The following AKIP1 variants were observed in gnomAD, a reference collection of about 807,000 sequenced individuals.
AKIP1 encodes A-kinase interacting protein 1, also known as A-kinase-interacting protein 1.
Under a neutral mutation model 22.3 loss-of-function variants are expected in AKIP1, and 18 were observed. That is an observed-to-expected ratio of 0.81 (90% CI 0.56 to 1.19). The LOEUF is 1.19. AKIP1 is among the 50% of genes most tolerant of loss of function. The pLI is 0.00. For missense variants in AKIP1, 287 were observed against 264.6 expected, an observed-to-expected ratio of 1.08 and a Z score of -0.59; for synonymous variants, 120 against 102.7, an observed-to-expected ratio of 1.17 and a Z score of -1.02.
intron 4 of AKIP1, 110 bp downstream of exon 4, chr11:8,915,040 G>A (rs2064458318): frequency 2.7e-6 from 2 of 733,864 alleles, no homozygotes; most frequent in Middle Eastern, 3.8e-4. Flanking sequence ...GTGTGACTTG[G>A]CATTACAGTG....
In AKIP1 at chr11:8,911,618, C is replaced by A; in HGVS notation, c.169C>A (p.Pro57Thr). 6.2e-7 allele frequency: 1 copy of A among 1,600,272 alleles called. No individual in the cohort carries two copies. The highest frequency in any genetic ancestry group is 8.5e-7 in the Non-Finnish European group (1 of 1,174,950). The change falls in exon 2 of 6, where the codon CCC (proline) becomes ACC (threonine). Residue 57 changes from proline to threonine, a missense_variant. Transcript: ENST00000309377. ...GCMGVLAREA[P>T]HLEKQPAAGP... ...CATGGGGGTCCTTGCCCGGGAGGCG[C>A]CCCACCTAGAGAAACAGCCGGCAGC...
At chr11:8,918,411 G>T (rs2064520382) in intron 5 of AKIP1, among the ~76,000 whole-genome samples, 2 of 152,214 alleles carry the variant, frequency 1.3e-5, no homozygotes, top group Admixed American at 6.5e-5. Context: ...AGGAGGAAGA[G>T]GGGAAATTTC....
At chr11:8,918,779 C>A (rs975575132) in intron 5 of AKIP1, among the ~76,000 whole-genome samples, 2 of 152,200 alleles carry the variant, frequency 1.3e-5, no homozygotes, top group Admixed American at 6.5e-5. Context: ...CTGGGAGAAC[C>A]AGTCCTCCAA....
chr11:8,916,725 C>T (rs2064491307), intron 4 of AKIP1, among the ~76,000 whole-genome samples: 1 of 152,178 alleles, frequency 6.6e-6, no homozygotes, highest in Admixed American at 6.5e-5. Context: ...GAGCTTGAGT[C>T]CTGAGCCCCC....
Position 8,911,527 on chromosome 11 carries a change from A to G in AKIP1, c.78A>G (p.Leu26=), listed in dbSNP as rs1297111074. 3 of 1,610,116 alleles carry G rather than the reference A, an allele frequency of 1.9e-6. No homozygotes were observed. The highest frequency in any genetic ancestry group is 1.6e-4 in the Middle Eastern group (1 of 6,080). The change falls in exon 2 of 6, where the codon CTA becomes CTG. Residue 26 remains leucine (L), a synonymous_variant. Coordinates refer to ENST00000309377, the MANE Select transcript of AKIP1 (RefSeq NM_020642.4). ...RSLQRSARLA[L]EVLERAKRRA... ...TGCAGCGTTCAGCAAGGCTGGCTCT[A>G]GAAGTGCTGGAGAGGGCCAAGAGGA...
chr11:8,914,975 G>A (rs750808633), intron 4 of AKIP1, 45 bp downstream of exon 4: 11 of 1,456,758 alleles, frequency 7.6e-6, no homozygotes, highest in South Asian at 1.2e-5. Flanking sequence ...AGTCTACCAA[G>A]ATATGACACC....
At chr11:8,917,811 C>T (rs2064509739) in intron 5 of AKIP1, 1 of 229,194 alleles carries the variant, frequency 4.4e-6, no homozygotes, top group Non-Finnish European at 8.4e-6. Flanking sequence ...TTCTTATTTT[C>T]CACAAATGTT....
chr11:8,911,349 A>T (rs1051074787), intron 1 of AKIP1, 95 bp from the exon 2 acceptor site: 5 of 1,122,408 alleles, frequency 4.5e-6, no homozygotes, highest in Non-Finnish European at 6.4e-6. Flanking sequence ...GGTGGTCTCC[A>T]GGGAGGTCGA....
chr11:8,917,694 C>T (rs1221731874), intron 5 of AKIP1: 2 of 429,098 alleles, frequency 4.7e-6, no homozygotes, highest in Admixed American at 3.9e-5. Context: ...TCTGTTCAAG[C>T]AGCAGGAGGG....
Position 8,917,372 on chromosome 11 carries a change from G to A in AKIP1, c.489+5G>A, listed in dbSNP as rs1472728439. The A allele has an allele frequency of 6.2e-7, 1 of 1,612,248 alleles. No individual in the cohort carries two copies. The highest frequency in any genetic ancestry group is 8.5e-7 in the Non-Finnish European group (1 of 1,178,662). ...GCTCCAGAGGCATCCCAGCCTGTGA[G>A]TACGGAACTGCTTACGCACTGGGTT... On this transcript the variant is annotated splice_donor_5th_base_variant and intron_variant, in intron 5 of 5. Coordinates refer to ENST00000309377, the MANE Select transcript of AKIP1 (RefSeq NM_020642.4).
At position 8,911,652 on chromosome 11, in the gene AKIP1, A is replaced by T. The variant is rs1218992895; in HGVS notation, c.203A>T (p.Gln68Leu). The T allele has an allele frequency of 1.4e-5, 22 of 1,567,700 alleles. No homozygotes were observed. The highest frequency in any genetic ancestry group is 1.9e-5 in the Non-Finnish European group (22 of 1,159,336). Residue 68 changes from glutamine to leucine, a missense_variant, in exon 2 of 6, where the codon CAG (glutamine) becomes CTG (leucine). Transcript: ENST00000309377. Reference sequence around the variant, plus strand: ...GAGAAACAGCCGGCAGCCGGCCCGCAGCGCGTTCTCCCGGGAGAGGTGAGG... The same window carrying T: ...GAGAAACAGCCGGCAGCCGGCCCGCTGCGCGTTCTCCCGGGAGAGGTGAGG... ...HLEKQPAAGP[Q>L]RVLPGEREER...
At chr11:8,919,306 C>A in intron 5 of AKIP1, 31 bp from the exon 6 acceptor site, 1 of 1,601,096 alleles carries the variant, frequency 6.2e-7, no homozygotes, top group Non-Finnish European at 8.5e-7. Flanking sequence ...TATAAAATCT[C>A]TAAACTGCTA....
intron 5 of AKIP1, among the ~76,000 whole-genome samples, chr11:8,918,283 C>T (rs79591540): frequency 0.016 from 2,465 of 152,274 alleles, 32 homozygotes; most frequent in Middle Eastern, 0.031. Flanking sequence ...CATTGTCATA[C>T]ACATTTACGT....
chr11:8,913,808 C>T (rs1387300519), intron 3 of AKIP1, among the ~76,000 whole-genome samples: 2 of 152,166 alleles, frequency 1.3e-5, no homozygotes, highest in Non-Finnish European at 2.9e-5. Flanking sequence ...ATATTTTTAT[C>T]TTATTTGTGT....
intron 4 of AKIP1, 69 bp downstream of exon 4, chr11:8,914,999 C>T: frequency 8.1e-7 from 1 of 1,242,206 alleles, no homozygotes; most frequent in Non-Finnish European, 1.2e-6. Flanking sequence ...TATTCAAGAG[C>T]CCCTGCTAGA....
In AKIP1 at chr11:8,912,434, G is replaced by A; in HGVS notation, c.223-19G>A. On this transcript the variant is annotated intron_variant, in intron 2 of 5. Transcript: ENST00000309377. Reference sequence around the variant, plus strand: ...GGGAATCCTAGAGCTAACCTGTGACGTGCCATTTATTCAAATAGAGAGAAG... The same window carrying A: ...GGGAATCCTAGAGCTAACCTGTGACATGCCATTTATTCAAATAGAGAGAAG... 1.2e-6 allele frequency: 2 copies of A among 1,601,128 alleles called. No homozygotes were observed. Among genetic ancestry groups the A allele is most frequent in the East Asian group, 2.2e-5 (1 of 44,810 alleles).
chr11:8,914,761 C>A, intron 3 of AKIP1, 65 bp from the exon 4 acceptor site: 1 of 1,300,490 alleles, frequency 7.7e-7, no homozygotes, highest in Non-Finnish European at 1.1e-6. Flanking sequence ...GCCCAAATAT[C>A]AGGGTTTTTT....
intron 5 of AKIP1, 101 bp downstream of exon 5, chr11:8,917,468 A>G (rs779847888): frequency 2.6e-5 from 24 of 919,424 alleles, no homozygotes; most frequent in Non-Finnish European, 4.1e-5. Context: ...AGTCTATAGT[A>G]TTTTTAAGTT....
In AKIP1 at chr11:8,912,466, CCCCAA is replaced by C; in HGVS notation, c.240_244del (p.Thr81Ter). On this transcript the variant is annotated frameshift_variant, in exon 3 of 6. Coordinates refer to ENST00000309377, the MANE Select transcript of AKIP1 (RefSeq NM_020642.4). LOFTEE classifies it high-confidence loss of function. Reference sequence around the variant, plus strand: ...TTATTCAAATAGAGAGAAGAGAGACCCCCAACCCTTAGTGCTTCCTTCAGAACAAT... The same window carrying C: ...TTATTCAAATAGAGAGAAGAGAGACCCCCTTAGTGCTTCCTTCAGAACAAT... The C allele has an allele frequency of 1.2e-6, 2 of 1,613,842 alleles. No individual in the cohort carries two copies. Among genetic ancestry groups the C allele is most frequent in the Non-Finnish European group, 1.7e-6 (2 of 1,179,788 alleles).
Sources: allele counts gnomAD v4.1 joint callset (sites outside exome capture counted in the v4.1 genomes callset), GRCh38; gene constraint gnomAD v4.1.1; transcripts MANE v1.5; gene names NCBI Gene and HGNC (gene_info 2026-07-23, HGNC 2026-07-21).